Variants in ARID1B observed in about 807,000 individuals in gnomAD.
The protein encoded by ARID1B is AT-rich interaction domain 1B.
A neutral mutation model predicts 212.3 loss-of-function variants in ARID1B; 30 were observed. The observed-to-expected ratio is 0.14, with a 90% CI of 0.11 to 0.19. The LOEUF (loss-of-function observed/expected upper bound fraction) is 0.19, where lower values mean the gene tolerates loss of function less well. Among genes scored for constraint, ARID1B ranks in the 10% least tolerant of loss-of-function variants. ARID1B has a pLI of 1.00. For missense variants in ARID1B, 2,891 were observed against 3,204.0 expected (o/e 0.90, Z 2.36); for synonymous variants, 1,402 against 1,301.7 (o/e 1.08, Z -1.66).
intron 4 of ARID1B, among the ~76,000 whole-genome samples, chr6:157,048,036 T>A (rs1277320801): frequency 2.0e-5 from 3 of 152,172 alleles, no homozygotes; most frequent in Non-Finnish European, 4.4e-5. Flanking sequence ...TGTTTTAGGT[T>A]CTCTGCACTG....
chr6:157,080,846 C>T (rs1784590852), intron 4 of ARID1B, among the ~76,000 whole-genome samples: 1 of 152,190 alleles, frequency 6.6e-6, no homozygotes, highest in Non-Finnish European at 1.5e-5. Context: ...TAAAGCTAAA[C>T]AGCTTCATGA....
At chr6:156,956,312 C>G (rs1322761353) in intron 4 of ARID1B, among the ~76,000 whole-genome samples, 1 of 152,186 alleles carries the variant, frequency 6.6e-6, no homozygotes, top group Non-Finnish European at 1.5e-5. Context: ...CCCCACCCTT[C>G]TCTCAGAAGC....
At chr6:157,004,840 G>A (rs1010757024) in intron 4 of ARID1B, among the ~76,000 whole-genome samples, 1 of 145,862 alleles carries the variant, frequency 6.9e-6, no homozygotes, top group Non-Finnish European at 1.5e-5. Context: ...TCTAGTTCTT[G>A]TGTGTGTACT....
rs1788472305 is a variant in ARID1B, at chr6:156,897,147, T to C, written c.1987-4229T>C. 2.0e-5 allele frequency among the ~76,000 whole-genome samples: 3 copies of C among 152,142 alleles called. No homozygotes were observed. In the South Asian group the frequency reaches 6.2e-4, roughly 32 times the overall value. The stretch of plus-strand genomic sequence containing the variant: ...GTGTGTTCATGTCTTAAAGGTCTTC[T>C]TTATTTAGAAATGAGTGAAGCAAAT... On this transcript the variant is annotated intron_variant, in intron 2 of 19. Transcript: ENST00000636930.
rs760906582 is a variant in ARID1B, at chr6:157,201,039, G to C, written c.4814G>C (p.Gly1605Ala). The C allele has an allele frequency of 6.2e-7, 1 of 1,613,848 alleles. No individual in the cohort carries two copies. Among genetic ancestry groups the C allele is most frequent in the South Asian group, 1.1e-5 (1 of 91,076 alleles). ...PYPYQNRQGP[G>A]GPTQAPPYPG... ...CCCTACCAGAACAGGCAGGGCCCTG[G>C]CGGCCCTACACAGGCGCCCCCTTAC... Residue 1605 changes from glycine (G) to alanine (A), a missense_variant, in exon 18 of 20, where the codon GGC becomes GCC. Coordinates refer to ENST00000636930, the MANE Select transcript of ARID1B (RefSeq NM_001374828.1). This position sits in a 1 kb window ranked among gnomAD's most constrained non-coding sequence, Gnocchi z 5.2.
Position 156,977,527 on chromosome 6 carries a change from A to T in ARID1B, c.2247+41951A>T, listed in dbSNP as rs879622311. Among the ~76,000 whole-genome samples, 7 of 152,238 alleles carry T rather than the reference A, an allele frequency of 4.6e-5. No individual in the cohort carries two copies. In the South Asian group the frequency reaches 8.3e-4, roughly 18 times the overall value. On this transcript the variant is annotated intron_variant, in intron 4 of 19. Coordinates refer to ENST00000636930, the MANE Select transcript of ARID1B (RefSeq NM_001374828.1). ...ATTTGGGTTATTTGATTTGGTTTCC[A>T]TATCTCTACCTTAAGATGCACATTT...
At position 157,084,819 on chromosome 6, in the gene ARID1B, C is replaced by T. The variant is rs1318967699; in HGVS notation, c.2405C>T (p.Pro802Leu). The change falls in exon 5 of 20, where the codon CCG (proline) becomes CTG (leucine). Residue 802 changes from proline to leucine, a missense_variant. Physicochemically the swap from Pro to Leu is moderately conservative, Grantham distance 98 (BLOSUM62 -3). Coordinates refer to ENST00000636930, the MANE Select transcript of ARID1B (RefSeq NM_001374828.1). ...PHASPHLSSI[P>L]GGPSPSPVGS... ...GCGTCCCCTCATCTCTCCAGCATCC[C>T]GGGGGGCCCATCTCCCTCTCCTGTT... 2 of 1,614,040 alleles carry T rather than the reference C, an allele frequency of 1.2e-6. No individual in the cohort carries two copies. The highest frequency in any genetic ancestry group is 1.7e-6 in the Non-Finnish European group (2 of 1,179,948).
intron 4 of ARID1B, among the ~76,000 whole-genome samples, chr6:156,953,374 C>G (rs1007788077): frequency 1.7e-4 from 26 of 152,106 alleles, no homozygotes; most frequent in African/African-American, 5.3e-4. Flanking sequence ...TTTGCAAGTC[C>G]CTTGGAACAT....
At chr6:156,932,153 GGC>G (rs796500033) in intron 3 of ARID1B, among the ~76,000 whole-genome samples, 6 of 131,922 alleles carry the variant, frequency 4.5e-5, no homozygotes, top group South Asian at 2.5e-4. Flanking sequence ...AAAGGGGGGG[GGC>G]GGGGTGAAGA....
In ARID1B at chr6:157,084,912, A is replaced by T. The variant is rs778506753; in HGVS notation, c.2491+7A>T. The T allele has an allele frequency of 3.3e-5, 52 of 1,594,970 alleles. No individual in the cohort carries two copies. The highest frequency in any genetic ancestry group is 4.0e-5 in the Non-Finnish European group (47 of 1,170,668). ...TCTCCTGCAAGTATCCCAGGTATTT[A>T]CTTTCCTGACAATTATTATTTTACT... is the stretch of plus-strand genomic sequence containing the variant. On this transcript the variant is annotated splice_region_variant and intron_variant, in intron 5 of 19. Coordinates refer to ENST00000636930, the MANE Select transcript of ARID1B (RefSeq NM_001374828.1).
At chr6:157,046,132 A>G (rs1280125236) in intron 4 of ARID1B, among the ~76,000 whole-genome samples, 1 of 152,202 alleles carries the variant, frequency 6.6e-6, no homozygotes, top group African/African-American at 2.4e-5. Flanking sequence ...TACTTTATGT[A>G]TATTTACCTG....
intron 4 of ARID1B, among the ~76,000 whole-genome samples, chr6:156,978,704 C>T (rs1777415183): frequency 6.6e-6 from 1 of 152,172 alleles, no homozygotes; most frequent in South Asian, 2.1e-4. Flanking sequence ...CATTTAGTTT[C>T]ATGGTAGAGT....
At chr6:156,988,983 C>T (rs749328801) in intron 4 of ARID1B, among the ~76,000 whole-genome samples, 21 of 152,164 alleles carry the variant, frequency 1.4e-4, no homozygotes, top group Non-Finnish European at 2.6e-4. Flanking sequence ...AGCTTGGACC[C>T]ATGGCCACAT....
Position 156,851,116 on chromosome 6 carries a change from A to G in ARID1B, c.1986+21695A>G, listed in dbSNP as rs1007816471. On this transcript the variant is annotated intron_variant, in intron 2 of 19. Coordinates refer to ENST00000636930, the MANE Select transcript of ARID1B (RefSeq NM_001374828.1). ...GGCTCTTTGAACACTGCTAATTTACATGAAGAAAATGTCCCCAAGGAGGAG... is the reference window on the plus strand; with the variant it reads ...GGCTCTTTGAACACTGCTAATTTACGTGAAGAAAATGTCCCCAAGGAGGAG... 2.0e-5 allele frequency among the ~76,000 whole-genome samples: 3 copies of G among 152,156 alleles called. No homozygotes were observed. The East Asian group carries it at 5.8e-4, about 29-fold the overall frequency.
intron 4 of ARID1B, among the ~76,000 whole-genome samples, chr6:156,994,888 C>T (rs1043260471): frequency 1.3e-5 from 2 of 152,254 alleles, no homozygotes; most frequent in Non-Finnish European, 2.9e-5. Flanking sequence ...CCCAGCCATG[C>T]ACCAGTGCCT....
chr6:157,099,405 A>T (rs1285401148), intron 5 of ARID1B, among the ~76,000 whole-genome samples: 4 of 152,212 alleles, frequency 2.6e-5, no homozygotes, highest in African/African-American at 9.6e-5. Flanking sequence ...GTATCTCCCC[A>T]AAAGGGATCT....
intron 2 of ARID1B, among the ~76,000 whole-genome samples, chr6:156,838,072 T>A (rs778919744): frequency 1.3e-4 from 20 of 152,368 alleles, no homozygotes; most frequent in Non-Finnish European, 2.6e-4. Context: ...TTCCAAAGAA[T>A]GAGCCAAATT....
chr6:157,073,091 A>T (rs913956960), intron 4 of ARID1B, among the ~76,000 whole-genome samples: 1 of 149,946 alleles, frequency 6.7e-6, no homozygotes, highest in Non-Finnish European at 1.5e-5. Context: ...ACTAGTATTT[A>T]TTCACCCCAT....
At chr6:157,164,686 G>C (rs1791198310) in intron 8 of ARID1B, 1 of 152,044 alleles carries the variant, frequency 6.6e-6, no homozygotes, top group Non-Finnish European at 1.5e-5. Context: ...CTCCTCTCAG[G>C]AGGCTTCCAT....
Sources: gnomAD v4.1 joint callset for allele counts (sites outside exome capture counted in the v4.1 genomes callset) on GRCh38, gnomAD v4.1.1 for gene constraint, Gnocchi (gnomAD v3.1) non-coding constraint, MANE v1.5 for transcripts, NCBI Gene and HGNC (gene_info 2026-07-23, HGNC 2026-07-21) for gene names.